Variants in ZFHX3 observed in about 807,000 individuals in gnomAD.
ZFHX3 encodes zinc finger homeobox 3.
In ZFHX3, 42 loss-of-function variants were observed where a neutral mutation model predicts 279.1. The observed-to-expected ratio is 0.15, with a 90% confidence interval of 0.12 to 0.19. The LOEUF (loss-of-function observed/expected upper bound fraction) is 0.19. ZFHX3 is among the 10% of genes least tolerant of loss of function. ZFHX3 has a pLI of 1.00. For synonymous variants in ZFHX3, 2,293 were observed against 1,957.8 expected (o/e 1.17, Z -4.52); for missense variants, 4,981 against 4,754.0 (o/e 1.05, Z -1.40).
At chr16:72,845,106 A>G (rs2037445431) in intron 4 of ZFHX3, among the ~76,000 whole-genome samples, 1 of 152,148 alleles carries the variant, frequency 6.6e-6, no homozygotes, top group Non-Finnish European at 1.5e-5. Context: ...AGGTGCGGAC[A>G]CCAGAGGCTT....
chr16:73,486,757 T>TGAA (rs1567498737), intron 2 of ZFHX3: 2 of 455,698 alleles, frequency 4.4e-6, no homozygotes, highest in Admixed American at 4.7e-5. Context: ...TCTTCAGGAA[T>TGAA]GAAGTTTGCT....
At chr16:73,433,834 C>T (rs1423727) in intron 3 of ZFHX3, among the ~76,000 whole-genome samples, 136,372 of 152,182 alleles carry the variant, frequency 0.9, 61,245 homozygotes, top group South Asian at 0.95. Context: ...CGTGGCTTCC[C>T]GGCCGCCTGG....
chr16:73,058,178 C>A (rs1425650077), intron 1 of ZFHX3, among the ~76,000 whole-genome samples: 9 of 144,852 alleles, frequency 6.2e-5, no homozygotes, highest in Non-Finnish European at 1.1e-4. Flanking sequence ...TCCACCCTCC[C>A]GGGGGTCGCC....
intron 1 of ZFHX3, among the ~76,000 whole-genome samples, chr16:72,998,497 G>A (rs927781406): frequency 4.6e-5 from 7 of 152,142 alleles, no homozygotes; most frequent in Non-Finnish European, 8.8e-5. Context: ...TATTTCAAAC[G>A]TAATCGATCT....
chr16:72,900,445 G>A (rs1252012828), intron 3 of ZFHX3, among the ~76,000 whole-genome samples: 1 of 152,190 alleles, frequency 6.6e-6, no homozygotes, highest in Admixed American at 6.5e-5. Flanking sequence ...TACTTGCCCT[G>A]TCTTACACAA....
chr16:73,210,449 G>T (rs1353821864), intron 5 of ZFHX3, among the ~76,000 whole-genome samples: 4 of 152,038 alleles, frequency 2.6e-5, no homozygotes, highest in East Asian at 3.8e-4. Context: ...TAAATTTTTT[G>T]ATTGCATTGA....
chr16:73,085,497 C>T lies in ZFHX3; in HGVS notation c.-533+7738G>A, dbSNP rs8063164. Among the ~76,000 whole-genome samples the T allele has an allele frequency of 7.1e-3, 1,078 of 152,250 alleles. 18 individuals carry two copies. Among genetic ancestry groups the T allele is most frequent in the African/African-American group, 0.025 (1,040 of 41,552 alleles). On this transcript the variant is annotated intron_variant, in intron 8 of 17. Transcript: ENST00000641206. ...CTGACCTCTAGTGATCCGCCTGCCTCGGCCTCCCAAAGTGCTGAGATTACA... is the reference window on the plus strand; with the variant it reads ...CTGACCTCTAGTGATCCGCCTGCCTTGGCCTCCCAAAGTGCTGAGATTACA...
intron 1 of ZFHX3, among the ~76,000 whole-genome samples, chr16:72,963,841 G>C (rs1045253707): frequency 6.6e-6 from 1 of 152,130 alleles, no homozygotes; most frequent in Admixed American, 6.5e-5. Context: ...TCCAGCTCCC[G>C]GAGAATGAAA....
intron 2 of ZFHX3, among the ~76,000 whole-genome samples, chr16:73,617,616 G>GA (rs962805880): frequency 6.6e-6 from 1 of 152,048 alleles, no homozygotes; most frequent in South Asian, 2.1e-4. Flanking sequence ...AAAATTTATG[G>GA]AAAAAAATAA....
intron 1 of ZFHX3, among the ~76,000 whole-genome samples, chr16:73,690,675 G>C (rs1024253009): frequency 6.6e-6 from 1 of 152,200 alleles, no homozygotes; most frequent in Admixed American, 6.5e-5. Flanking sequence ...TTCGAAGCTT[G>C]AAAATAAATT....
At chr16:73,315,219 G>GA (rs67349927) in intron 4 of ZFHX3, among the ~76,000 whole-genome samples, 114 of 121,736 alleles carry the variant, frequency 9.4e-4, no homozygotes, top group East Asian at 1.4e-3. Context: ...ATCTCAAAAA[G>GA]AAAAAAAAAA....
chr16:73,684,062 G>A (rs561816460), intron 1 of ZFHX3, among the ~76,000 whole-genome samples: 1 of 152,324 alleles, frequency 6.6e-6, no homozygotes, highest in African/African-American at 2.4e-5. Context: ...GGGAAGCCAA[G>A]GCCAGAGGAC....
intron 1 of ZFHX3, among the ~76,000 whole-genome samples, chr16:73,037,794 C>T (rs1222158136): frequency 6.6e-6 from 1 of 152,106 alleles, no homozygotes; most frequent in Non-Finnish European, 1.5e-5. Flanking sequence ...CTGGCTGACC[C>T]CCATGTCCCC....
intron 4 of ZFHX3, among the ~76,000 whole-genome samples, chr16:73,301,002 G>A (rs2015043875): frequency 6.6e-6 from 1 of 152,226 alleles, no homozygotes; most frequent in Non-Finnish European, 1.5e-5. Context: ...TCCAATTCTA[G>A]AAGTCAGGAA....
At chr16:73,444,955 TA>T (rs56235953) in intron 3 of ZFHX3, among the ~76,000 whole-genome samples, 1,033 of 68,456 alleles carry the variant, frequency 0.015, 24 homozygotes, top group African/African-American at 0.049. Context: ...CCATCTATAC[TA>T]AAAAAAAAAA....
intron 1 of ZFHX3, among the ~76,000 whole-genome samples, chr16:72,999,834 C>T (rs1312732298): frequency 6.6e-6 from 1 of 152,220 alleles, no homozygotes; most frequent in Admixed American, 6.5e-5. Context: ...AGCAGCTGCA[C>T]CTGCCCTATC....
intron 1 of ZFHX3, among the ~76,000 whole-genome samples, chr16:73,696,037 GC>G (rs1434007870): frequency 6.6e-6 from 1 of 152,204 alleles, no homozygotes; most frequent in Non-Finnish European, 1.5e-5. Flanking sequence ...GGAAATTGCA[GC>G]TCAAACCCAC....
chr16:72,971,862 T>A (rs1333560226), intron 1 of ZFHX3, among the ~76,000 whole-genome samples: 1 of 151,524 alleles, frequency 6.6e-6, no homozygotes, highest in East Asian at 1.9e-4. Flanking sequence ...ACATTTCTTT[T>A]GTGAACTGCC....
At chr16:73,593,944 G>A (rs183098571) in intron 2 of ZFHX3, among the ~76,000 whole-genome samples, 1 of 152,224 alleles carries the variant, frequency 6.6e-6, no homozygotes, top group East Asian at 1.9e-4. Context: ...CTTGTTAATG[G>A]TCAAATACTG....
Sources: gnomAD v4.1 joint callset for allele counts (sites outside exome capture counted in the v4.1 genomes callset) on GRCh38, gnomAD v4.1.1 for gene constraint, MANE v1.5 for transcripts, NCBI Gene and HGNC (gene_info 2026-07-23, HGNC 2026-07-21) for gene names.